The following SEL1L3 variants were observed in gnomAD, a reference collection of about 807,000 sequenced individuals.
SEL1L3 encodes the protein protein sel-1 homolog 3.
SEL1L3 carries 76 observed loss-of-function variants against 142.8 expected under a neutral mutation model. The ratio of observed to expected loss-of-function variants is 0.53; its 90% CI spans 0.44 to 0.64. SEL1L3 has a LOEUF of 0.64. SEL1L3 is among the 30% of genes least tolerant of loss of function. SEL1L3 has a pLI of 0.00. For synonymous variants in SEL1L3, 504 were observed against 519.6 expected, an observed-to-expected ratio of 0.97 and a Z score of 0.41; for missense variants, 1,262 against 1,381.7, an observed-to-expected ratio of 0.91 and a Z score of 1.37.
chr4:25,756,799 AGT>A lies in SEL1L3; in HGVS notation c.3259+733_3259+734del, dbSNP rs1717994184. The A allele has an allele frequency of 2.4e-6, 3 of 1,231,384 alleles. No homozygotes were observed. The African/African-American group carries it at 4.7e-5, about 19-fold the overall frequency. 76.3% of individuals were successfully genotyped at this position (1,231,384 alleles called of 1,614,324 possible). ...TGGCCGAGGATTTTTATTCATTACG[AGT>A]GTTTGTTTATCCTCTTACACATCTG... is the stretch of plus-strand genomic sequence containing the variant. On this transcript the variant is annotated intron_variant, in intron 23 of 23. Transcript: ENST00000399878.
intron 11 of SEL1L3, among the ~76,000 whole-genome samples, chr4:25,801,214 C>T (rs1713160919): frequency 6.6e-6 from 1 of 152,188 alleles, no homozygotes; most frequent in African/African-American, 2.4e-5. Flanking sequence ...ACCAGCCTGG[C>T]CAACATGGCG....
chr4:25,776,650 A>G lies in SEL1L3; in HGVS notation c.2586-290T>C, dbSNP rs146881489. On this transcript the variant is annotated intron_variant, in intron 16 of 23. Transcript: ENST00000399878. ...ATGAAAAAATATAATCTCTACCAAGAGTTCTAGTACTCTATTAAGTCATGT... is the reference window on the plus strand; with the variant it reads ...ATGAAAAAATATAATCTCTACCAAGGGTTCTAGTACTCTATTAAGTCATGT... 3.1e-4 allele frequency: 101 copies of G among 323,962 alleles called. 2 individuals carry two copies. The East Asian group carries it at 6.8e-3, about 22-fold the overall frequency. The allele number at this position is 323,962 out of a possible 1,614,324, so 20.1% of individuals were successfully genotyped here. A position where few individuals can be genotyped will look rare whatever the true frequency, so the allele number is the denominator to read the frequency against.
the SEL1L3 span, among the ~76,000 whole-genome samples, chr4:25,737,192 C>T: frequency 6.6e-6 from 1 of 152,118 alleles, no homozygotes; most frequent in Non-Finnish European, 1.5e-5. Flanking sequence ...CCCATGTTGG[C>T]CAGGCTGGTC....
chr4:25,736,118 C>T, the SEL1L3 span, among the ~76,000 whole-genome samples: 1 of 151,126 alleles, frequency 6.6e-6, no homozygotes, highest in African/African-American at 2.4e-5. Context: ...CATGAGCCAC[C>T]GTGCCCGGCC....
At chr4:25,855,700 G>T (rs1227878325) in intron 1 of SEL1L3, among the ~76,000 whole-genome samples, 1 of 152,124 alleles carries the variant, frequency 6.6e-6, no homozygotes, top group Non-Finnish European at 1.5e-5. Flanking sequence ...GGTGGAGGTT[G>T]CAGTGAGCCG....
intron 19 of SEL1L3, among the ~76,000 whole-genome samples, chr4:25,767,259 C>A (rs766802190): frequency 6.6e-6 from 1 of 151,956 alleles, no homozygotes; most frequent in Admixed American, 6.6e-5. Context: ...CACTCCAGCC[C>A]GGGGAACAGA....
the SEL1L3 span, among the ~76,000 whole-genome samples, chr4:25,741,343 C>T: frequency 2.6e-5 from 4 of 151,506 alleles, no homozygotes; most frequent in African/African-American, 7.3e-5. Context: ...TCAAGTAATC[C>T]GCCCGCCTCA....
At chr4:25,858,758 G>C (rs1040884930) in intron 1 of SEL1L3, among the ~76,000 whole-genome samples, 5 of 151,996 alleles carry the variant, frequency 3.3e-5, no homozygotes, top group African/African-American at 1.2e-4. Flanking sequence ...GCTAATTTTT[G>C]TATTATTAGT....
chr4:25,757,734 TA>T lies in SEL1L3; in HGVS notation c.3139del (p.Tyr1047ThrfsTer16). 1 of 1,598,774 alleles carries T rather than the reference TA, an allele frequency of 6.3e-7. No individual in the cohort carries two copies. Among genetic ancestry groups the T allele is most frequent in the Non-Finnish European group, 8.5e-7 (1 of 1,172,988 alleles). ...SFSPCSLAWL[Y>X]LHLRLLWGAI... ...ACCCCAGAGAAGCCGCAAGTGCAGG[TA>T]AAGCCAGGCCAAGGAGCAGGGGCTG... On this transcript the variant is annotated frameshift_variant, in exon 22 of 24. Coordinates refer to ENST00000399878, the MANE Select transcript of SEL1L3 (RefSeq NM_015187.5). LOFTEE classifies it high-confidence loss of function.
intron 11 of SEL1L3, among the ~76,000 whole-genome samples, chr4:25,791,961 C>T (rs950293952): frequency 2.6e-5 from 4 of 151,782 alleles, no homozygotes; most frequent in South Asian, 2.1e-4. Context: ...TCTGCAGCCC[C>T]GTTCCTCAGA....
At chr4:25,849,399 G>C (rs188974295) in intron 1 of SEL1L3, among the ~76,000 whole-genome samples, 2 of 152,280 alleles carry the variant, frequency 1.3e-5, no homozygotes, top group Admixed American at 6.5e-5. Flanking sequence ...GAACTTTGAG[G>C]AGATGAGGCT....
the SEL1L3 span, among the ~76,000 whole-genome samples, chr4:25,728,860 CA>C: frequency 0.047 from 4,468 of 95,092 alleles, 66 homozygotes; most frequent in Middle Eastern, 0.092. Flanking sequence ...AGACTTGTGT[CA>C]AAAAAAAAAA....
chr4:25,823,199 A>T (rs115006673), intron 6 of SEL1L3, among the ~76,000 whole-genome samples: 2 of 152,324 alleles, frequency 1.3e-5, no homozygotes, highest in African/African-American at 4.8e-5. Flanking sequence ...TTTTAAAACC[A>T]TGTGCATCTA....
At chr4:25,828,431 G>A (rs1464338623) in intron 6 of SEL1L3, among the ~76,000 whole-genome samples, 1 of 146,388 alleles carries the variant, frequency 6.8e-6, no homozygotes, top group Non-Finnish European at 1.5e-5. Context: ...CTGTCACCTA[G>A]GCTGGAGTGC....
At chr4:25,772,221 A>G in intron 17 of SEL1L3, among the ~76,000 whole-genome samples, 1 of 152,346 alleles carries the variant, frequency 6.6e-6, no homozygotes, top group African/African-American at 2.4e-5. Flanking sequence ...TTTGTCCCAA[A>G]TATCTTTTGA....
intron 3 of SEL1L3, 30 bp from the exon 4 acceptor site, chr4:25,833,599 C>T (rs375589347): frequency 1.8e-5 from 28 of 1,578,952 alleles, no homozygotes; most frequent in Non-Finnish European, 2.4e-5. Context: ...AAAAATTCTG[C>T]AGATTGATAT....
Position 25,784,069 on chromosome 4 carries a change from A to AC in SEL1L3, c.2280+158dup, listed in dbSNP as rs147629714. 2.2e-3 allele frequency among the ~76,000 whole-genome samples: 331 copies of AC among 152,322 alleles called. 1 individual carries two copies. Among genetic ancestry groups the AC allele is most frequent in the African/African-American group, 7.6e-3 (316 of 41,566 alleles). ...TATTGTAACTAAAAAGTGACTAATC[A>AC]CTGCAGTGGGGGTGCCGTGCTGGCG... On this transcript the variant is annotated intron_variant, in intron 14 of 23. Transcript: ENST00000399878.
chr4:25,844,660 A>G (rs914581098), intron 2 of SEL1L3, among the ~76,000 whole-genome samples: 14 of 152,254 alleles, frequency 9.2e-5, no homozygotes, highest in Admixed American at 1.3e-4. Context: ...TCATTCTTCA[A>G]TCAGAAATAC....
At chr4:25,824,784 A>G (rs1714987638) in intron 6 of SEL1L3, among the ~76,000 whole-genome samples, 1 of 152,252 alleles carries the variant, frequency 6.6e-6, no homozygotes, top group Non-Finnish European at 1.5e-5. Context: ...TAATTCAATA[A>G]AACATGAGTG....
Sources: allele counts gnomAD v4.1 joint callset (sites outside exome capture counted in the v4.1 genomes callset), GRCh38; gene constraint gnomAD v4.1.1; transcripts MANE v1.5; gene names NCBI Gene and HGNC (gene_info 2026-07-23, HGNC 2026-07-21).